Variants in LRIG2 observed in about 807,000 individuals in gnomAD.
The protein encoded by LRIG2 is leucine-rich repeats and immunoglobulin-like domains protein 2.
Under a neutral mutation model 107.8 loss-of-function variants are expected in LRIG2, and 93 were observed. The ratio of observed to expected loss-of-function variants is 0.86; its 90% confidence interval spans 0.73 to 1.03. The LOEUF is 1.03. Among genes scored for constraint, LRIG2 ranks in the 50% least tolerant of loss-of-function variants. The pLI, the probability that LRIG2 is intolerant of heterozygous loss-of-function variation, is 0.00. For missense variants in LRIG2, 1,226 were observed against 1,296.0 expected (o/e 0.95, Z 0.83); for synonymous variants, 471 against 470.6 (o/e 1.00, Z -0.01).
In LRIG2 at chr1:113,131,677, G is replaced by A. The variant is rs554670577; in HGVS notation, c.*7576G>A. ...TAGCCTTGATTTTCTTTCTTTTTTG[G>A]ACAATTGTCTGGTTCATTGACAAAA... On this transcript the variant is annotated 3_prime_UTR_variant, in exon 18 of 18. Transcript: ENST00000361127. 53 of 151,838 alleles carry A rather than the reference G, an allele frequency of 3.5e-4. No individual in the cohort carries two copies. The highest frequency in any genetic ancestry group is 1.2e-3 in the African/African-American group (51 of 41,394). The allele number at this position is 151,838 out of a possible 1,614,324, so 9.4% of individuals were successfully genotyped here.
At position 113,073,455 on chromosome 1, in the gene LRIG2, C is replaced by A; in HGVS notation, c.49C>A (p.Arg17=). 6.2e-7 allele frequency: 1 copy of A among 1,614,042 alleles called. No individual in the cohort carries two copies. Among genetic ancestry groups the A allele is most frequent in the Non-Finnish European group, 8.5e-7 (1 of 1,179,972 alleles). ...CCCGGAGGAGCAGTTGCTGGGGTGT[C>A]GATCTAGAGTGCTTTCTCGGTTACT... ...GVPEEQLLGC[R]SRVLSRLLFI... The change falls in exon 1 of 18, where the codon CGA becomes AGA. Residue 17 remains arginine, a synonymous_variant. Transcript: ENST00000361127.
rs771021822 is a variant in LRIG2 at position 113,119,228 on chromosome 1, A to G, written c.2681-5A>G. 7.6e-5 allele frequency: 122 copies of G among 1,601,434 alleles called. No homozygotes were observed. The highest frequency in any genetic ancestry group is 9.9e-5 in the Non-Finnish European group (116 of 1,171,410). ...AGATATTTAGATTCTTTTTCTTGTT[A>G]TTAGGTGGCACTGGTACCCGGGTGA... On this transcript the variant is annotated splice_region_variant and splice_polypyrimidine_tract_variant and intron_variant, in intron 16 of 17. Transcript: ENST00000361127.
chr1:113,108,268 G>C (rs1159770316), intron 12 of LRIG2, among the ~76,000 whole-genome samples: 1 of 149,640 alleles, frequency 6.7e-6, no homozygotes. Flanking sequence ...GCGTCACCCA[G>C]GCTGGAGTGC....
chr1:113,122,818 A>T (rs1484856638), intron 17 of LRIG2, among the ~76,000 whole-genome samples: 4 of 152,226 alleles, frequency 2.6e-5, no homozygotes, highest in African/African-American at 9.6e-5. Flanking sequence ...TTTTAACAAG[A>T]TCCTCAAGTT....
At chr1:113,103,000 C>G (rs12409007) in intron 11 of LRIG2, among the ~76,000 whole-genome samples, 1 of 18,240 alleles carries the variant, frequency 5.5e-5, no homozygotes, top group Non-Finnish European at 1.9e-4. Context: ...GTATACTCCG[C>G]CCCCCTCCTT....
chr1:113,129,452 C>G lies in LRIG2; in HGVS notation c.*5351C>G, dbSNP rs1240378734. The G allele has an allele frequency of 6.6e-6, 1 of 151,994 alleles. No homozygotes were observed. The highest frequency in any genetic ancestry group is 1.5e-5 in the Non-Finnish European group (1 of 68,020). The allele number at this position is 151,994 out of a possible 1,614,324, so 9.4% of individuals were successfully genotyped here. On this transcript the variant is annotated 3_prime_UTR_variant, in exon 18 of 18. Coordinates refer to ENST00000361127, the MANE Select transcript of LRIG2 (RefSeq NM_014813.3). Reference sequence around the variant, plus strand: ...TGTCAACTCAGATGGTTGAGATGTCCTTAGATATTCCTAGCTTGCCTAAAT... The same window carrying G: ...TGTCAACTCAGATGGTTGAGATGTCGTTAGATATTCCTAGCTTGCCTAAAT...
chr1:113,082,595 G>T (rs1653337763), intron 1 of LRIG2, among the ~76,000 whole-genome samples: 2 of 152,220 alleles, frequency 1.3e-5, no homozygotes, highest in African/African-American at 4.8e-5. Context: ...GAGTGAGAGA[G>T]AGAGTTGTGT....
rs1357405872 is a variant in LRIG2 at position 113,107,609 on chromosome 1, C to A, written c.1329C>A (p.Ser443Arg). 1.9e-6 allele frequency: 3 copies of A among 1,609,814 alleles called. No homozygotes were observed. Among genetic ancestry groups the A allele is most frequent in the Non-Finnish European group, 2.5e-6 (3 of 1,178,996 alleles). Residue 443 changes from serine (S) to arginine (R), a missense_variant, in exon 12 of 18, where the codon AGC (serine) becomes AGA (arginine). By Grantham distance (110) the Ser-to-Arg change is moderately radical. Transcript: ENST00000361127. ...TTTCCTGCAGGATTCTGAACACAAG[C>A]AGTTTGCTCTGTGACTGCCATTTGA... ...THLKELILNT[S>R]SLLCDCHLKW... is the part of the protein sequence containing the mutation.
Position 113,119,526 on chromosome 1 carries a change from A to G in LRIG2, c.2971+3A>G, listed in dbSNP as rs1329653717. 1.9e-6 allele frequency: 3 copies of G among 1,611,770 alleles called. No homozygotes were observed. The African/African-American group carries it at 4.0e-5, about 22-fold the overall frequency. ...TCCCTCCACACAGATGAGCGGTGGT[A>G]AGGGATGTATTTTTGTTGTTATTTT... On this transcript the variant is annotated splice_donor_region_variant and intron_variant, in intron 17 of 17. Coordinates refer to ENST00000361127, the MANE Select transcript of LRIG2 (RefSeq NM_014813.3).
intron 3 of LRIG2, 44 bp downstream of exon 3, chr1:113,093,324 G>A (rs762366284): frequency 5.1e-5 from 79 of 1,546,156 alleles, no homozygotes; most frequent in Non-Finnish European, 6.7e-5. Flanking sequence ...ATTATGAAAA[G>A]TATACATTTT....
At chr1:113,123,032 A>G (rs772080790) in intron 17 of LRIG2, among the ~76,000 whole-genome samples, 48 of 152,372 alleles carry the variant, frequency 3.2e-4, no homozygotes, top group Non-Finnish European at 6.2e-4. Flanking sequence ...TGAGAAATGC[A>G]TATTTGAAAC....
chr1:113,111,498 C>T (rs1654772903), intron 13 of LRIG2, among the ~76,000 whole-genome samples: 1 of 152,216 alleles, frequency 6.6e-6, no homozygotes, highest in Non-Finnish European at 1.5e-5. Flanking sequence ...TTCTGAATCT[C>T]TAACGTCCAT....
At chr1:113,095,723 A>T in intron 6 of LRIG2, 151 bp from the exon 7 acceptor site, 1 of 711,668 alleles carries the variant, frequency 1.4e-6, no homozygotes, top group East Asian at 2.8e-5. Flanking sequence ...TAAATCTTAA[A>T]TAAGATATTC....
intron 17 of LRIG2, among the ~76,000 whole-genome samples, chr1:113,120,106 G>A (rs1394480699): frequency 6.6e-6 from 1 of 151,634 alleles, no homozygotes; most frequent in Non-Finnish European, 1.5e-5. Flanking sequence ...ACCGCACCCG[G>A]TATCATATAG....
chr1:113,082,347 T>A (rs1405377664), intron 1 of LRIG2, among the ~76,000 whole-genome samples: 1 of 152,206 alleles, frequency 6.6e-6, no homozygotes, highest in Non-Finnish European at 1.5e-5. Context: ...CTGATACAGA[T>A]CACCTGGGCT....
At chr1:113,121,037 C>A in intron 17 of LRIG2, among the ~76,000 whole-genome samples, 1 of 150,064 alleles carries the variant, frequency 6.7e-6, no homozygotes, top group African/African-American at 2.5e-5. Context: ...AGGCTGGTCT[C>A]GAACTGCTGA....
At position 113,094,601 on chromosome 1, in the gene LRIG2, T is replaced by A. The variant is rs1653967541; in HGVS notation, c.660-11T>A. The A allele has an allele frequency of 6.2e-7, 1 of 1,607,270 alleles. No individual in the cohort carries two copies. The highest frequency in any genetic ancestry group is 1.7e-5 in the Admixed American group (1 of 58,998). Reference sequence around the variant, plus strand: ...ACCAATTTCCTGACTGTAAAACTATTTTTGTTAAAGGGAACTTAAAAGAAA... The same window carrying A: ...ACCAATTTCCTGACTGTAAAACTATATTTGTTAAAGGGAACTTAAAAGAAA... On this transcript the variant is annotated splice_polypyrimidine_tract_variant and intron_variant, in intron 5 of 17. Transcript: ENST00000361127.
At position 113,122,075 on chromosome 1, in the gene LRIG2, C is replaced by CTTTT. The variant is rs758568453; in HGVS notation, c.2972-1780_2972-1777dup. Among the ~76,000 whole-genome samples, 172 of 87,064 alleles carry CTTTT rather than the reference C, an allele frequency of 2.0e-3. 4 individuals are homozygous for CTTTT. The highest frequency in any genetic ancestry group is 2.8e-3 in the African/African-American group (62 of 21,984). 57.1% of individuals were successfully genotyped at this position (87,064 alleles called of 152,430 possible). A position where few individuals can be genotyped will look rare whatever the true frequency, so the allele number is the denominator to read the frequency against. ...CTGCAAGTATCTGAGTTAGGCTCAC[C>CTTTT]TTTTTTTTTTTTTTTTTTTTTTTGA... On this transcript the variant is annotated intron_variant, in intron 17 of 17. Transcript: ENST00000361127.
At chr1:113,122,671 G>C (rs1468826819) in intron 17 of LRIG2, among the ~76,000 whole-genome samples, 2 of 152,158 alleles carry the variant, frequency 1.3e-5, no homozygotes, top group Non-Finnish European at 2.9e-5. Context: ...GCCCATTGGC[G>C]ATTTTTTATG....
Sources: allele counts gnomAD v4.1 joint callset (sites outside exome capture counted in the v4.1 genomes callset), GRCh38; gene constraint gnomAD v4.1.1; transcripts MANE v1.5; gene names NCBI Gene and HGNC (gene_info 2026-07-23, HGNC 2026-07-21).